The following HMX2 variants were observed in gnomAD, a reference collection of about 807,000 sequenced individuals.
HMX2 encodes the protein homeobox protein HMX2.
A neutral mutation model predicts 21.2 loss-of-function variants in HMX2; 15 were observed. The observed-to-expected ratio is 0.71, with a 90% CI of 0.47 to 1.09. The LOEUF (loss-of-function observed/expected upper bound fraction) is 1.09. HMX2 is among the 50% of genes least tolerant of loss of function. The pLI is 0.00. For synonymous variants in HMX2, 193 were observed against 181.0 expected (o/e 1.07, Z -0.53); for missense variants, 440 against 381.5 (o/e 1.15, Z -1.28).
rs1278876654 is a variant in HMX2, at chr10:123,149,240, C to T, written c.269-330C>T. ...GCCACCCTATAAAGCTCGAGGAACT[C>T]TTCCAGCTCAATTACCACCAAGCAA... On this transcript the variant is annotated intron_variant, in intron 1 of 1. Coordinates refer to ENST00000339992, the MANE Select transcript of HMX2 (RefSeq NM_005519.2). This position sits in a 1 kb window ranked among gnomAD's most constrained non-coding sequence, Gnocchi z 5.4. 1.3e-5 allele frequency among the ~76,000 whole-genome samples: 2 copies of T among 152,208 alleles called. No homozygotes were observed. The highest frequency in any genetic ancestry group is 2.9e-5 in the Non-Finnish European group (2 of 68,044).
At position 123,150,175 on chromosome 10, in the gene HMX2, C is replaced by G. The variant is rs1039210024; in HGVS notation, c.*52C>G. 1 of 1,437,124 alleles carries G rather than the reference C, an allele frequency of 7.0e-7. No homozygotes were observed. Among genetic ancestry groups the G allele is most frequent in the Non-Finnish European group, 9.3e-7 (1 of 1,079,346 alleles). 89.0% of individuals were successfully genotyped at this position (1,437,124 alleles called of 1,614,324 possible). A position where few individuals can be genotyped will look rare whatever the true frequency, so the allele number is the denominator to read the frequency against. The stretch of plus-strand genomic sequence containing the variant: ...AGCTGCCCGCAGAGCCGGGCGCGTA[C>G]TGTACTGTAAGCAGGGCTCCGGAGC... On this transcript the variant is annotated 3_prime_UTR_variant, in exon 2 of 2. Coordinates refer to ENST00000339992, the MANE Select transcript of HMX2 (RefSeq NM_005519.2). This position sits in a 1 kb window ranked among gnomAD's most constrained non-coding sequence, Gnocchi z 4.2.
chr10:123,148,138 A>C lies in HMX2; in HGVS notation c.-241A>C. On this transcript the variant is annotated 5_prime_UTR_variant, in exon 1 of 2. Transcript: ENST00000339992. Reference sequence around the variant, plus strand: ...GCGAGTTGGCGGGCGAGGAAGGGGCATTTGCACCGGGGCTGGGCGGGCGCA... The same window carrying C: ...GCGAGTTGGCGGGCGAGGAAGGGGCCTTTGCACCGGGGCTGGGCGGGCGCA... The C allele has an allele frequency of 3.7e-6, 2 of 540,244 alleles. No individual in the cohort carries two copies. Among genetic ancestry groups the C allele is most frequent in the Admixed American group, 3.9e-5 (1 of 25,954 alleles). 33.5% of individuals were successfully genotyped at this position (540,244 alleles called of 1,614,324 possible). A position where few individuals can be genotyped will look rare whatever the true frequency, so the allele number is the denominator to read the frequency against.
chr10:123,148,768 G>A, intron 1 of HMX2, 122 bp downstream of exon 1: 7 of 1,279,332 alleles, frequency 5.5e-6, no homozygotes, highest in Non-Finnish European at 6.3e-6. Flanking sequence ...GGGGGTTCGG[G>A]ACCGCGGGGA....
Position 123,149,129 on chromosome 10 carries a change from G to A in HMX2, c.269-441G>A, listed in dbSNP as rs1382190905. On this transcript the variant is annotated intron_variant, in intron 1 of 1. Transcript: ENST00000339992. The surrounding 1 kb of genome is among the most constrained non-coding windows in gnomAD (Gnocchi z 5.4). ...ATGATTGACAATGGTGCATTTCAGA[G>A]ACGGTTCCTCTTTACAACATTTGAC... is the stretch of plus-strand genomic sequence containing the variant. 1.3e-5 allele frequency among the ~76,000 whole-genome samples: 2 copies of A among 152,148 alleles called. No individual in the cohort carries two copies. The highest frequency in any genetic ancestry group is 2.4e-5 in the African/African-American group (1 of 41,430).
Position 123,149,580 on chromosome 10 carries a change from G to A in HMX2, c.279G>A (p.Lys93=), listed in dbSNP as rs1396098771. The change falls in exon 2 of 2, where the codon AAG becomes AAA. Residue 93 remains lysine, a synonymous_variant. Transcript: ENST00000339992. The surrounding 1 kb of genome is among the most constrained non-coding windows in gnomAD (Gnocchi z 5.4). ...PIPFPCLGTP[K]GSGGSGPGGL... ...GTTCTCGCTCCTCAGGTACCCCCAA[G>A]GGCAGCGGAGGCTCGGGCCCGGGCG... 2.1e-6 allele frequency: 3 copies of A among 1,454,716 alleles called. No individual in the cohort carries two copies. The highest frequency in any genetic ancestry group is 2.7e-6 in the Non-Finnish European group (3 of 1,106,806). 90.1% of individuals were successfully genotyped at this position (1,454,716 alleles called of 1,614,324 possible). A position where few individuals can be genotyped will look rare whatever the true frequency, so the allele number is the denominator to read the frequency against.
rs1201447361 is a variant in HMX2 at position 123,148,493 on chromosome 10, G to T, written c.115G>T (p.Gly39Cys). The T allele has an allele frequency of 2.5e-6, 4 of 1,612,244 alleles. No individual in the cohort carries two copies. The South Asian group carries it at 3.3e-5, about 13-fold the overall frequency. Residue 39 changes from glycine to cysteine, a missense_variant, in exon 1 of 2, where the codon GGC becomes TGC. Coordinates refer to ENST00000339992, the MANE Select transcript of HMX2 (RefSeq NM_005519.2). Reference sequence around the variant, plus strand: ...CTCGGAGGCACCGCGGGAGCCCGTCGGCTGGCCAGCCAGGAAGCGCAGCCT... The same window carrying T: ...CTCGGAGGCACCGCGGGAGCCCGTCTGCTGGCCAGCCAGGAAGCGCAGCCT... ...GPSEAPREPV[G>C]WPARKRSLSV...
In HMX2 at chr10:123,149,983, A is replaced by G. The variant is rs753496938; in HGVS notation, c.682A>G (p.Met228Val). 3 of 1,611,556 alleles carry G rather than the reference A, an allele frequency of 1.9e-6. No homozygotes were observed. In the South Asian group the frequency reaches 3.3e-5, roughly 18 times the overall value. The change falls in exon 2 of 2, where the codon ATG (methionine) becomes GTG (valine). Residue 228 changes from methionine to valine, a missense_variant. Transcript: ENST00000339992. This position sits in a 1 kb window ranked among gnomAD's most constrained non-coding sequence, Gnocchi z 5.4. ...AHASAQTLVSMPLVFRDSSLL... is the reference protein window; with the variant it reads ...AHASAQTLVSVPLVFRDSSLL... Reference sequence around the variant, plus strand: ...CGCGTCGGCGCAGACTCTGGTGAGCATGCCGCTGGTGTTCCGGGACAGTTC... The same window carrying G: ...CGCGTCGGCGCAGACTCTGGTGAGCGTGCCGCTGGTGTTCCGGGACAGTTC...
chr10:123,149,519 C>T lies in HMX2; in HGVS notation c.269-51C>T. On this transcript the variant is annotated intron_variant, in intron 1 of 1. Coordinates refer to ENST00000339992, the MANE Select transcript of HMX2 (RefSeq NM_005519.2). This position sits in a 1 kb window ranked among gnomAD's most constrained non-coding sequence, Gnocchi z 5.4. Reference sequence around the variant, plus strand: ...GGTCCCAGGGAGAGCTGGCGGTCTCCGAGGCTCCCCAACCAACTCCATGGC... The same window carrying T: ...GGTCCCAGGGAGAGCTGGCGGTCTCTGAGGCTCCCCAACCAACTCCATGGC... 1.4e-6 allele frequency: 2 copies of T among 1,386,742 alleles called. No individual in the cohort carries two copies. The highest frequency in any genetic ancestry group is 1.9e-6 in the Non-Finnish European group (2 of 1,064,016). 85.9% of individuals were successfully genotyped at this position (1,386,742 alleles called of 1,614,324 possible).
At position 123,148,583 on chromosome 10, in the gene HMX2, G is replaced by A. The variant is rs1344194820; in HGVS notation, c.205G>A (p.Asp69Asn). The change falls in exon 1 of 2, where the codon GAC becomes AAC. Residue 69 changes from aspartate (D) to asparagine (N), a missense_variant. Coordinates refer to ENST00000339992, the MANE Select transcript of HMX2 (RefSeq NM_005519.2). ...GAAGGCGCCCGCCTGCTTCTGCCCA[G>A]ACCAGCACGGCCCTAAGGAGCAGGG... Reference protein sequence around the residue: ...GWKAPACFCPDQHGPKEQGPK... With the variant: ...GWKAPACFCPNQHGPKEQGPK... 18 of 1,613,272 alleles carry A rather than the reference G, an allele frequency of 1.1e-5. No individual in the cohort carries two copies. In the Admixed American group the frequency reaches 2.0e-4, roughly 18 times the overall value.
At position 123,149,003 on chromosome 10, in the gene HMX2, A is replaced by G. The variant is rs1415309358; in HGVS notation, c.268+357A>G. On this transcript the variant is annotated intron_variant, in intron 1 of 1. Coordinates refer to ENST00000339992, the MANE Select transcript of HMX2 (RefSeq NM_005519.2). This position sits in a 1 kb window ranked among gnomAD's most constrained non-coding sequence, Gnocchi z 5.4. ...GGAGATCTGCAAGTCGGGTCTGGGC[A>G]GTCTGTCTCCACCGTAATCTCTTTC... Among the ~76,000 whole-genome samples the G allele has an allele frequency of 6.6e-6, 1 of 151,844 alleles. No homozygotes were observed. Among genetic ancestry groups the G allele is most frequent in the Non-Finnish European group, 1.5e-5 (1 of 67,886 alleles).
At position 123,149,852 on chromosome 10, in the gene HMX2, C is replaced by T. The variant is rs375924624; in HGVS notation, c.551C>T (p.Ser184Phe). 1.3e-5 allele frequency: 21 copies of T among 1,612,876 alleles called. No homozygotes were observed. Among genetic ancestry groups the T allele is most frequent in the Non-Finnish European group, 1.8e-5 (21 of 1,179,914 alleles). The stretch of plus-strand genomic sequence containing the variant: ...AGCTCGGAGCGCGCCTGCCTCGCCT[C>T]CAGCCTGCAGCTCACGGAGACCCAG... ...LSSSERACLA[S>F]SLQLTETQVK... The change falls in exon 2 of 2, where the codon TCC (serine) becomes TTC (phenylalanine). Residue 184 changes from serine (S) to phenylalanine (F), a missense_variant. By Grantham distance (155) the Ser-to-Phe change is radical (BLOSUM62 -2). Coordinates refer to ENST00000339992, the MANE Select transcript of HMX2 (RefSeq NM_005519.2). The surrounding 1 kb of genome is among the most constrained non-coding windows in gnomAD (Gnocchi z 5.4).
chr10:123,150,116 A>G lies in HMX2; in HGVS notation c.815A>G (p.Asp272Gly), dbSNP rs1206736730. 3 of 1,547,686 alleles carry G rather than the reference A, an allele frequency of 1.9e-6. No homozygotes were observed. The highest frequency in any genetic ancestry group is 1.7e-4 in the Middle Eastern group (1 of 5,970). ...CTCTACAACCTATACAACAAGCTCG[A>G]CTACTGACCGGCCCGCCGCCCCGCG... ...LPLYNLYNKLDY is the reference protein window; with the variant it reads ...LPLYNLYNKLGY Residue 272 changes from aspartate (D) to glycine (G), a missense_variant, in exon 2 of 2, where the codon GAC becomes GGC. Transcript: ENST00000339992. This position sits in a 1 kb window ranked among gnomAD's most constrained non-coding sequence, Gnocchi z 4.2.
In HMX2 at chr10:123,148,241, C is replaced by T. The variant is rs547988983; in HGVS notation, c.-138C>T. 3 of 907,282 alleles carry T rather than the reference C, an allele frequency of 3.3e-6. No individual in the cohort carries two copies. Among genetic ancestry groups the T allele is most frequent in the Admixed American group, 5.2e-5 (2 of 38,236 alleles). The allele number at this position is 907,282 out of a possible 1,614,324, so 56.2% of individuals were successfully genotyped here. ...CCCTGGCGCGGAAGGGACGCCTCAC[C>T]AGCCTCGGCGCCCCCTCCCCCTAGA... On this transcript the variant is annotated 5_prime_UTR_variant, in exon 1 of 2. Transcript: ENST00000339992.
Position 123,149,627 on chromosome 10 carries a change from T to C in HMX2, c.326T>C (p.Leu109Pro), listed in dbSNP as rs1844245807. Residue 109 changes from leucine (L) to proline (P), a missense_variant, in exon 2 of 2, where the codon CTC (leucine) becomes CCC (proline). Coordinates refer to ENST00000339992, the MANE Select transcript of HMX2 (RefSeq NM_005519.2). The surrounding 1 kb of genome is among the most constrained non-coding windows in gnomAD (Gnocchi z 5.4). ...GGCGGCTTGGAGCGCACGCCTTTCC[T>C]CTCTCCTTCGCACTCGGACTTTAAA... ...GPGGLERTPF[L>P]SPSHSDFKEE... The C allele has an allele frequency of 1.3e-6, 2 of 1,508,124 alleles. No homozygotes were observed. The highest frequency in any genetic ancestry group is 1.8e-6 in the Non-Finnish European group (2 of 1,135,596). 93.4% of individuals were successfully genotyped at this position (1,508,124 alleles called of 1,614,324 possible).
Position 123,149,918 on chromosome 10 carries a change from G to C in HMX2, c.617G>C (p.Arg206Pro), listed in dbSNP as rs761724750. 6.2e-7 allele frequency: 1 copy of C among 1,612,530 alleles called. No individual in the cohort carries two copies. Among genetic ancestry groups the C allele is most frequent in the Non-Finnish European group, 8.5e-7 (1 of 1,179,792 alleles). The change falls in exon 2 of 2, where the codon CGG becomes CCG. Residue 206 changes from arginine (R) to proline (P), a missense_variant. Transcript: ENST00000339992. This position sits in a 1 kb window ranked among gnomAD's most constrained non-coding sequence, Gnocchi z 5.4. ...WFQNRRNKWK[R>P]QLSAELEAAN... is the part of the protein sequence containing the mutation. ...CAGAACCGCCGCAACAAGTGGAAGC[G>C]GCAGCTCTCGGCTGAGCTGGAGGCG...
rs752927881 is a variant in HMX2, at chr10:123,148,656, G to C, written c.268+10G>C. The stretch of plus-strand genomic sequence containing the variant: ...CCTTTTCCTTGCCTGGGTAAGGATC[G>C]CACGTCGCCAGTGTGGCAGCGAGCG... On this transcript the variant is annotated intron_variant, in intron 1 of 1. Coordinates refer to ENST00000339992, the MANE Select transcript of HMX2 (RefSeq NM_005519.2). 1 of 1,603,598 alleles carries C rather than the reference G, an allele frequency of 6.2e-7. No individual in the cohort carries two copies.
chr10:123,150,201 A>G lies in HMX2; in HGVS notation c.*78A>G. ...TGTACTGTAAGCAGGGCTCCGGAGC[A>G]AGGCGGCGTGTTTCCAGAAATATGA... On this transcript the variant is annotated 3_prime_UTR_variant, in exon 2 of 2. Transcript: ENST00000339992. The surrounding 1 kb of genome is among the most constrained non-coding windows in gnomAD (Gnocchi z 4.2). The G allele has an allele frequency of 8.0e-7, 1 of 1,242,602 alleles. No individual in the cohort carries two copies. Among genetic ancestry groups the G allele is most frequent in the Non-Finnish European group, 1.1e-6 (1 of 922,438 alleles). The allele number at this position is 1,242,602 out of a possible 1,614,324, so 77.0% of individuals were successfully genotyped here.
In HMX2 at chr10:123,148,146, C is replaced by G. The variant is rs540193259; in HGVS notation, c.-233C>G. 8 of 548,972 alleles carry G rather than the reference C, an allele frequency of 1.5e-5. No homozygotes were observed. In the South Asian group the frequency reaches 2.0e-4, roughly 13 times the overall value. The allele number at this position is 548,972 out of a possible 1,614,324, so 34.0% of individuals were successfully genotyped here. A position where few individuals can be genotyped will look rare whatever the true frequency, so the allele number is the denominator to read the frequency against. ...GCGGGCGAGGAAGGGGCATTTGCAC[C>G]GGGGCTGGGCGGGCGCACCCAGAGC... On this transcript the variant is annotated 5_prime_UTR_variant, in exon 1 of 2. Transcript: ENST00000339992.
In HMX2 at chr10:123,148,750, C is replaced by T. The variant is rs1844231749; in HGVS notation, c.268+104C>T. 2.1e-6 allele frequency: 3 copies of T among 1,428,496 alleles called. 1 individual carries two copies. The highest frequency in any genetic ancestry group is 1.9e-6 in the Non-Finnish European group (2 of 1,072,220). 88.5% of individuals were successfully genotyped at this position (1,428,496 alleles called of 1,614,324 possible). A position where few individuals can be genotyped will look rare whatever the true frequency, so the allele number is the denominator to read the frequency against. On this transcript the variant is annotated intron_variant, in intron 1 of 1. Coordinates refer to ENST00000339992, the MANE Select transcript of HMX2 (RefSeq NM_005519.2). The stretch of plus-strand genomic sequence containing the variant: ...GCCGGGCCCCCTCTGGCCAGAGCTG[C>T]GGCAGCCGGGGGTTCGGGACCGCGG...
Sources: gnomAD v4.1 joint callset for allele counts (sites outside exome capture counted in the v4.1 genomes callset) on GRCh38, gnomAD v4.1.1 for gene constraint, Gnocchi (gnomAD v3.1) non-coding constraint, MANE v1.5 for transcripts, NCBI Gene and HGNC (gene_info 2026-07-23, HGNC 2026-07-21) for gene names.